The following SLC44A2 variants were observed in gnomAD, a reference collection of about 807,000 sequenced individuals.
The protein encoded by SLC44A2 is choline transporter-like protein 2.
Under a neutral mutation model 90.8 loss-of-function variants are expected in SLC44A2, and 57 were observed. The ratio of observed to expected loss-of-function variants is 0.63; its 90% CI spans 0.51 to 0.78. SLC44A2 has a LOEUF of 0.78. SLC44A2 is among the 30% of genes least tolerant of loss of function. SLC44A2 has a pLI of 0.00. For synonymous variants in SLC44A2, 355 were observed against 360.7 expected, an observed-to-expected ratio of 0.98 and a Z score of 0.18; for missense variants, 794 against 919.7, an observed-to-expected ratio of 0.86 and a Z score of 1.77.
intron 16 of SLC44A2, 39 bp from the exon 17 acceptor site, chr19:10,637,605 G>T (rs2067071545): frequency 1.9e-6 from 3 of 1,573,886 alleles, no homozygotes; most frequent in Non-Finnish European, 2.6e-6. Context: ...AGTCAGGCTG[G>T]TGTCCCCTCA....
At chr19:10,608,719 G>C (rs1918190385) in intron 1 of SLC44A2, among the ~76,000 whole-genome samples, 1 of 151,240 alleles carries the variant, frequency 6.6e-6, no homozygotes, top group Middle Eastern at 3.4e-3. Flanking sequence ...GTACAATCTC[G>C]GCTCACTGCA....
chr19:10,622,783 T>C (rs2039668548), upstream of SLC44A2, among the ~76,000 whole-genome samples: 1 of 152,026 alleles, frequency 6.6e-6, no homozygotes, highest in Non-Finnish European at 1.5e-5. Flanking sequence ...GTGCCTGTGA[T>C]CCCAGCTACT....
upstream of SLC44A2, among the ~76,000 whole-genome samples, chr19:10,622,350 G>A (rs1045625723): frequency 1.3e-5 from 2 of 152,110 alleles, no homozygotes; most frequent in African/African-American, 4.8e-5. Context: ...AACCATGGAG[G>A]TTTCTGAGCA....
At chr19:10,606,553 CTAA>C (rs1918109297) in intron 1 of SLC44A2, among the ~76,000 whole-genome samples, 1 of 151,226 alleles carries the variant, frequency 6.6e-6, no homozygotes, top group South Asian at 2.1e-4. Flanking sequence ...GCTCACGCCT[CTAA>C]TATCAGCACT....
intron 4 of SLC44A2, among the ~76,000 whole-genome samples, chr19:10,628,334 C>T (rs1341568262): frequency 6.6e-6 from 1 of 152,128 alleles, no homozygotes; most frequent in Admixed American, 6.6e-5. Context: ...TGCAATGAGC[C>T]GAGATCGTGC....
chr19:10,612,763 G>A (rs984154477), intron 1 of SLC44A2, among the ~76,000 whole-genome samples: 23 of 152,228 alleles, frequency 1.5e-4, no homozygotes, highest in African/African-American at 5.5e-4. Flanking sequence ...TGGGTCAGCC[G>A]TCACAGCCAG....
At chr19:10,619,586 C>T (rs2066882454) in intron 1 of SLC44A2, among the ~76,000 whole-genome samples, 1 of 151,976 alleles carries the variant, frequency 6.6e-6, no homozygotes, top group Non-Finnish European at 1.5e-5. Flanking sequence ...TGGAGTCAAG[C>T]AATTCTCTTG....
At chr19:10,613,222 TA>T (rs1202926640) in intron 1 of SLC44A2, among the ~76,000 whole-genome samples, 1 of 151,724 alleles carries the variant, frequency 6.6e-6, no homozygotes, top group Non-Finnish European at 1.5e-5. Flanking sequence ...CACACCCAGA[TA>T]ATATAGTTAT....
chr19:10,614,659 C>T (rs937118332), intron 1 of SLC44A2, among the ~76,000 whole-genome samples: 3 of 152,036 alleles, frequency 2.0e-5, no homozygotes, highest in African/African-American at 7.2e-5. Flanking sequence ...CGTATTCTTA[C>T]AATAAAGTAA....
chr19:10,640,083 A>ATTT (rs2067098956), intron 20 of SLC44A2, among the ~76,000 whole-genome samples: 1 of 121,432 alleles, frequency 8.2e-6, no homozygotes, highest in African/African-American at 3.5e-5. Flanking sequence ...AGGTCCACTG[A>ATTT]CTTTTTTTTT....
chr19:10,605,058 G>A (rs1356625448), intron 1 of SLC44A2, among the ~76,000 whole-genome samples: 1 of 152,046 alleles, frequency 6.6e-6, no homozygotes, highest in Non-Finnish European at 1.5e-5. Flanking sequence ...ATAAAACTGG[G>A]GTCGGGGGGA....
chr19:10,616,938 T>G (rs1460116750), intron 1 of SLC44A2, among the ~76,000 whole-genome samples: 2 of 151,710 alleles, frequency 1.3e-5, no homozygotes, highest in Non-Finnish European at 2.9e-5. Flanking sequence ...TTTTATTTTT[T>G]TGAGATGGAG....
chr19:10,640,042 A>G (rs1387176326), intron 20 of SLC44A2, among the ~76,000 whole-genome samples: 1 of 149,714 alleles, frequency 6.7e-6, no homozygotes, highest in Non-Finnish European at 1.5e-5. Context: ...GATGAGTAAG[A>G]GTAATCTTGG....
At chr19:10,621,532 C>T (rs553904787), upstream of SLC44A2, among the ~76,000 whole-genome samples, 490 of 150,922 alleles carry the variant, frequency 3.2e-3, 2 homozygotes, top group Non-Finnish European at 6.2e-3. Flanking sequence ...CAGCCTCGAC[C>T]TCTTGGTCTC....
At chr19:10,603,998 C>T (rs1007025868) in intron 1 of SLC44A2, among the ~76,000 whole-genome samples, 1 of 152,208 alleles carries the variant, frequency 6.6e-6, no homozygotes, top group African/African-American at 2.4e-5. Flanking sequence ...CCCAGGCCCA[C>T]ACATGAGACA....
At chr19:10,626,617 C>T (rs1283157310) in intron 2 of SLC44A2, among the ~76,000 whole-genome samples, 6 of 145,028 alleles carry the variant, frequency 4.1e-5, no homozygotes, top group East Asian at 4.0e-4. Context: ...AGAGATGTTT[C>T]GCTGTGTTGC....
At chr19:10,602,597 G>C (rs1369275030) in intron 1 of SLC44A2, 1 of 1,253,904 alleles carries the variant, frequency 8.0e-7, no homozygotes, top group Admixed American at 4.2e-5. Flanking sequence ...CGCCTCTGCT[G>C]ACCTGCGGGT....
chr19:10,632,228 GC>G, intron 10 of SLC44A2, 72 bp downstream of exon 10: 1 of 1,415,344 alleles, frequency 7.1e-7, no homozygotes, highest in Non-Finnish European at 9.9e-7. Flanking sequence ...CGTGGAAATG[GC>G]CCATCAGGAA....
chr19:10,635,131 GC>G, intron 12 of SLC44A2, 31 bp from the exon 13 acceptor site: 2 of 1,613,724 alleles, frequency 1.2e-6, no homozygotes, highest in Non-Finnish European at 1.7e-6. Context: ...TGTGTCTTTT[GC>G]CCTGACGCCT....
Sources: allele counts gnomAD v4.1 joint callset (sites outside exome capture counted in the v4.1 genomes callset), GRCh38; gene constraint gnomAD v4.1.1; transcripts MANE v1.5; gene names NCBI Gene and HGNC (gene_info 2026-07-23, HGNC 2026-07-21).